CDH19: variants seen among roughly 807,000 people sequenced by gnomAD.
CDH19 encodes the protein cadherin-19.
In CDH19, 67 loss-of-function variants were observed where a neutral mutation model predicts 64.2. The ratio of observed to expected loss-of-function variants is 1.04; its 90% CI spans 0.86 to 1.28. The LOEUF is 1.28. Ranked by LOEUF, CDH19 falls within the 50% of genes most tolerant of loss-of-function variation. The pLI is 0.00. For missense variants in CDH19, 1,030 were observed against 929.0 expected (o/e 1.11, Z -1.41); for synonymous variants, 346 against 319.3 (o/e 1.08, Z -0.89).
intron 7 of CDH19, among the ~76,000 whole-genome samples, chr18:66,542,999 T>C (rs1434483933): frequency 6.6e-6 from 1 of 152,192 alleles, no homozygotes; most frequent in Non-Finnish European, 1.5e-5. Context: ...TTGAATATCA[T>C]TTCAAGTAAA....
chr18:66,576,126 GA>G (rs535103788), intron 1 of CDH19, among the ~76,000 whole-genome samples: 19 of 150,650 alleles, frequency 1.3e-4, no homozygotes, highest in Middle Eastern at 3.5e-3. Flanking sequence ...AAAAATAAAA[GA>G]AAAAAGTGAG....
At chr18:66,537,168 T>C (rs1986706187) in intron 7 of CDH19, among the ~76,000 whole-genome samples, 1 of 151,954 alleles carries the variant, frequency 6.6e-6, no homozygotes, top group Admixed American at 6.6e-5. Context: ...TTCACTGTTT[T>C]TTTTCCACTC....
At chr18:66,558,003 AG>A (rs1249563731) in intron 3 of CDH19, among the ~76,000 whole-genome samples, 1 of 151,572 alleles carries the variant, frequency 6.6e-6, no homozygotes, top group Non-Finnish European at 1.5e-5. Context: ...GAACTACTGT[AG>A]TTTTGTCCTA....
intron 9 of CDH19, among the ~76,000 whole-genome samples, chr18:66,524,299 C>T (rs1411570036): frequency 6.6e-6 from 1 of 151,638 alleles, no homozygotes; most frequent in Non-Finnish European, 1.5e-5. Flanking sequence ...AAGCCTGGTC[C>T]TTTTTAAAGA....
intron 8 of CDH19, among the ~76,000 whole-genome samples, chr18:66,534,132 A>G (rs1048316467): frequency 4.6e-5 from 7 of 152,086 alleles, no homozygotes; most frequent in Admixed American, 1.3e-4. Flanking sequence ...TACACAATGA[A>G]TAAAAGCTGC....
intron 1 of CDH19, among the ~76,000 whole-genome samples, chr18:66,589,808 C>T (rs977754744): frequency 6.6e-6 from 1 of 151,660 alleles, no homozygotes; most frequent in African/African-American, 2.4e-5. Flanking sequence ...AGAATCAGTA[C>T]AAAATCTAAA....
At chr18:66,582,082 A>T (rs558387285) in intron 1 of CDH19, among the ~76,000 whole-genome samples, 69 of 152,284 alleles carry the variant, frequency 4.5e-4, no homozygotes, top group Non-Finnish European at 8.8e-4. Flanking sequence ...ACACTGTGAC[A>T]TCTATATCTA....
intron 9 of CDH19, among the ~76,000 whole-genome samples, chr18:66,522,446 C>G (rs140874579): frequency 1.3e-5 from 2 of 151,814 alleles, no homozygotes; most frequent in South Asian, 4.2e-4. Flanking sequence ...GACGGGGGTG[C>G]GCCATGTTGG....
chr18:66,524,048 T>C (rs767553322), intron 9 of CDH19, among the ~76,000 whole-genome samples: 46 of 152,128 alleles, frequency 3.0e-4, no homozygotes, highest in Admixed American at 5.2e-4. Context: ...CCAGAAACCA[T>C]GTAAGCAATC....
At chr18:66,513,571 G>A (rs962547006) in intron 9 of CDH19, among the ~76,000 whole-genome samples, 3 of 151,362 alleles carry the variant, frequency 2.0e-5, no homozygotes, top group Admixed American at 1.3e-4. Flanking sequence ...ATGCTAATAA[G>A]TTTTGATGGA....
chr18:66,591,853 C>T (rs541306077), intron 1 of CDH19, among the ~76,000 whole-genome samples: 56 of 151,912 alleles, frequency 3.7e-4, no homozygotes, highest in African/African-American at 1.3e-3. Flanking sequence ...TATGTGGCTT[C>T]AGTGAGTATC....
chr18:66,580,032 T>A (rs2144600370), intron 1 of CDH19, among the ~76,000 whole-genome samples: 1 of 152,142 alleles, frequency 6.6e-6, no homozygotes, highest in Middle Eastern at 3.4e-3. Flanking sequence ...CACGAGTATT[T>A]GGATAGTTGT....
rs750246317 is a variant in CDH19, at chr18:66,551,245, T to A, written c.624A>T (p.Ile208=). Residue 208 remains isoleucine (I), a synonymous_variant, in exon 5 of 12, where the codon ATA becomes ATT. Coordinates refer to ENST00000262150, the MANE Select transcript of CDH19 (RefSeq NM_021153.4). ...SVEPTTGVIR[I]SSKMDRELQD... is the part of the protein sequence containing the mutation. Reference sequence around the variant, plus strand: ...GCAGTTCTCTATCCATTTTAGAAGATATTCTTATGACTCCTTTAAAAATAT... The same window carrying A: ...GCAGTTCTCTATCCATTTTAGAAGAAATTCTTATGACTCCTTTAAAAATAT... 10 of 1,458,980 alleles carry A rather than the reference T, an allele frequency of 6.9e-6. No individual in the cohort carries two copies. The highest frequency in any genetic ancestry group is 9.6e-6 in the Non-Finnish European group (10 of 1,043,048). The allele number at this position is 1,458,980 out of a possible 1,614,324, so 90.4% of individuals were successfully genotyped here. A position where few individuals can be genotyped will look rare whatever the true frequency, so the allele number is the denominator to read the frequency against.
chr18:66,593,234 A>C (rs1988792945), intron 1 of CDH19, among the ~76,000 whole-genome samples: 1 of 152,036 alleles, frequency 6.6e-6, no homozygotes, highest in Non-Finnish European at 1.5e-5. Flanking sequence ...ACAGCAAAAT[A>C]AATAGGAATT....
At chr18:66,583,774 T>C (rs968211654) in intron 1 of CDH19, among the ~76,000 whole-genome samples, 1 of 152,076 alleles carries the variant, frequency 6.6e-6, no homozygotes, top group Non-Finnish European at 1.5e-5. Flanking sequence ...ATTCCATAAA[T>C]GGTGTTGGGT....
chr18:66,568,569 AGAG>A lies in CDH19; in HGVS notation c.334_336del (p.Leu112del). The stretch of plus-strand genomic sequence containing the variant: ...TCTATTACCTGGGCTCTTAAGATGT[AGAG>A]GGATCGCTCCTCTCTATCAAGCTTC... On this transcript the variant is annotated inframe_deletion, in exon 3 of 12. Coordinates refer to ENST00000262150, the MANE Select transcript of CDH19 (RefSeq NM_021153.4). The A allele has an allele frequency of 6.2e-7, 1 of 1,612,344 alleles. No individual in the cohort carries two copies. Among genetic ancestry groups the A allele is most frequent in the Non-Finnish European group, 8.5e-7 (1 of 1,178,924 alleles).
chr18:66,545,469 T>C (rs1987079091), intron 5 of CDH19, among the ~76,000 whole-genome samples: 1 of 151,964 alleles, frequency 6.6e-6, no homozygotes, highest in African/African-American at 2.4e-5. Flanking sequence ...CCTTTCTTTT[T>C]GAAATATAAA....
At chr18:66,599,995 T>C (rs888082143) in intron 1 of CDH19, among the ~76,000 whole-genome samples, 1 of 152,056 alleles carries the variant, frequency 6.6e-6, no homozygotes, top group South Asian at 2.1e-4. Context: ...GTCGTGAATA[T>C]AGTTAATTCA....
chr18:66,518,015 T>G (rs950673135), intron 9 of CDH19, among the ~76,000 whole-genome samples: 1 of 151,974 alleles, frequency 6.6e-6, no homozygotes, highest in Non-Finnish European at 1.5e-5. Flanking sequence ...TGTATGAAAT[T>G]TGGCTTTAGA....
Sources: allele counts gnomAD v4.1 joint callset (sites outside exome capture counted in the v4.1 genomes callset), GRCh38; gene constraint gnomAD v4.1.1; transcripts MANE v1.5; gene names NCBI Gene and HGNC (gene_info 2026-07-23, HGNC 2026-07-21).